RBM33: variants seen among roughly 807,000 people sequenced by gnomAD.
The protein encoded by RBM33 is RNA binding motif protein 33.
Under a neutral mutation model 132.6 loss-of-function variants are expected in RBM33, and 28 were observed. The observed-to-expected ratio is 0.21, with a 90% confidence interval of 0.16 to 0.29. The LOEUF (loss-of-function observed/expected upper bound fraction) is 0.29, where lower values mean the gene tolerates loss of function less well. Among genes scored for constraint, RBM33 ranks in the 10% least tolerant of loss-of-function variants. The pLI is 1.00. For missense variants in RBM33, 1,291 were observed against 1,518.5 expected (o/e 0.85, Z 2.49); for synonymous variants, 634 against 593.0 (o/e 1.07, Z -1.01).
intron 14 of RBM33, among the ~76,000 whole-genome samples, chr7:155,754,705 T>C (rs1315733893): frequency 6.6e-6 from 1 of 152,230 alleles, no homozygotes; most frequent in Non-Finnish European, 1.5e-5. Flanking sequence ...AAAGGTAGAC[T>C]GTTAAGAGAG....
intron 1 of RBM33, among the ~76,000 whole-genome samples, chr7:155,657,543 C>T (rs1002867088): frequency 1.3e-5 from 2 of 152,118 alleles, no homozygotes; most frequent in African/African-American, 2.4e-5. Context: ...TTTGTCCAGG[C>T]TGGAGTGCAG....
intron 5 of RBM33, among the ~76,000 whole-genome samples, chr7:155,681,952 G>A (rs1799348769): frequency 6.8e-6 from 1 of 147,524 alleles, no homozygotes; most frequent in Admixed American, 6.8e-5. Flanking sequence ...ACGGACTCTT[G>A]GTTTGTCGCC....
chr7:155,647,112 A>G (rs560420726), intron 1 of RBM33, among the ~76,000 whole-genome samples: 190 of 152,314 alleles, frequency 1.2e-3, no homozygotes, highest in African/African-American at 4.5e-3. Context: ...TGACTTTCAA[A>G]CTTCTTAAAA....
chr7:155,711,568 T>G lies in RBM33; in HGVS notation c.1201+113T>G, dbSNP rs978537911. 9 of 603,424 alleles carry G rather than the reference T, an allele frequency of 1.5e-5. No homozygotes were observed. In the African/African-American group the frequency reaches 1.8e-4, roughly 12 times the overall value. 37.4% of individuals were successfully genotyped at this position (603,424 alleles called of 1,614,324 possible). On this transcript the variant is annotated intron_variant, in intron 8 of 17. Transcript: ENST00000401878. ...ACTTCATGAGTGTGTGAAAGCAGTA[T>G]GCGTTCAGAAGAAATCATCGTTCGA...
rs537688347 is a variant in RBM33 at position 155,735,813 on chromosome 7, A to G, written c.1261-1717A>G. 1.9e-4 allele frequency among the ~76,000 whole-genome samples: 29 copies of G among 151,714 alleles called. No homozygotes were observed. In the South Asian group the frequency reaches 5.6e-3, roughly 29 times the overall value. On this transcript the variant is annotated intron_variant, in intron 9 of 17. Transcript: ENST00000401878. ...TTTTCAAATTAATTAGGGGTAAAAG[A>G]CCATGTATATGATATGTATTCTCAC...
chr7:155,771,081 G>A (rs1337290184), intron 16 of RBM33, among the ~76,000 whole-genome samples: 1 of 152,186 alleles, frequency 6.6e-6, no homozygotes, highest in African/African-American at 2.4e-5. Context: ...CTGCCAGTAC[G>A]TTATGTGGGG....
At chr7:155,737,003 G>A (rs74527898) in intron 9 of RBM33, among the ~76,000 whole-genome samples, 5,267 of 152,278 alleles carry the variant, frequency 0.035, 308 homozygotes, top group African/African-American at 0.12. Flanking sequence ...CATGTCTTGT[G>A]TAAGGATATT....
Position 155,739,735 on chromosome 7 carries a change from G to T in RBM33, c.1758G>T (p.Leu586Phe). ...PNLQGPLHPP[L>F]PPPHQPQPQQ... ...GGAAGGGGCCGTTGCATCCTCCATT[G>T]CCCCCTCCGCATCAGCCTCAGCCTC... The change falls in exon 12 of 18, where the codon TTG (leucine) becomes TTT (phenylalanine). Residue 586 changes from leucine to phenylalanine, a missense_variant. Physicochemically the swap from Leu to Phe is conservative, Grantham distance 22. Transcript: ENST00000401878. 1 of 1,545,390 alleles carries T rather than the reference G, an allele frequency of 6.5e-7. No individual in the cohort carries two copies. The highest frequency in any genetic ancestry group is 1.8e-4 in the Middle Eastern group (1 of 5,666).
chr7:155,663,756 C>G (rs987341433), intron 1 of RBM33, among the ~76,000 whole-genome samples: 2 of 152,108 alleles, frequency 1.3e-5, no homozygotes, highest in Non-Finnish European at 2.9e-5. Context: ...GTGTTTATAT[C>G]ATCTGGCCCT....
intron 13 of RBM33, 54 bp from the exon 14 acceptor site, chr7:155,744,907 C>CT: frequency 6.8e-7 from 1 of 1,471,294 alleles, no homozygotes; most frequent in East Asian, 2.3e-5. Context: ...TTGAAATAGA[C>CT]TATGGGCACC....
rs568714321 is a variant in RBM33, at chr7:155,707,406, G to A, written c.948+338G>A. ...GTATTTCTGAGTGCATTACATTTGAGAGATGTTATTACAGATAGAATTTAG... is the reference window on the plus strand; with the variant it reads ...GTATTTCTGAGTGCATTACATTTGAAAGATGTTATTACAGATAGAATTTAG... On this transcript the variant is annotated intron_variant, in intron 7 of 17. Coordinates refer to ENST00000401878, the MANE Select transcript of RBM33 (RefSeq NM_053043.3). 2.4e-5 allele frequency: 11 copies of A among 463,486 alleles called. No homozygotes were observed. In the East Asian group the frequency reaches 6.4e-4, roughly 27 times the overall value. The allele number at this position is 463,486 out of a possible 1,614,324, so 28.7% of individuals were successfully genotyped here.
At chr7:155,698,713 C>G (rs1799871116) in intron 5 of RBM33, among the ~76,000 whole-genome samples, 1 of 152,214 alleles carries the variant, frequency 6.6e-6, no homozygotes. Flanking sequence ...TTCCTAACCA[C>G]TGGTTACCAG....
intron 5 of RBM33, among the ~76,000 whole-genome samples, chr7:155,695,664 T>G (rs532582574): frequency 9.3e-4 from 141 of 152,328 alleles, no homozygotes; most frequent in Middle Eastern, 3.4e-3. Context: ...TTTCACCACG[T>G]TGGCCAAGCT....
At chr7:155,674,134 C>CTT (rs2116912436) in intron 3 of RBM33, among the ~76,000 whole-genome samples, 1 of 151,752 alleles carries the variant, frequency 6.6e-6, no homozygotes, top group South Asian at 2.1e-4. Context: ...ACTTCTAACA[C>CTT]TTAAGAGTTA....
At position 155,756,497 on chromosome 7, in the gene RBM33, A is replaced by G. The variant is rs150377187; in HGVS notation, c.2980-7315A>G. On this transcript the variant is annotated intron_variant, in intron 14 of 17. Transcript: ENST00000401878. The stretch of plus-strand genomic sequence containing the variant: ...GTCAAAATCAGGAAGTTGTTTTGGT[A>G]TATGCAGTAAAAGGGAATTGAAAGC... Among the ~76,000 whole-genome samples the G allele has an allele frequency of 1.1e-4, 16 of 152,338 alleles. No homozygotes were observed. In the East Asian group the frequency reaches 2.7e-3, roughly 26 times the overall value.
chr7:155,754,490 A>G (rs1801784311), intron 14 of RBM33, among the ~76,000 whole-genome samples: 3 of 152,178 alleles, frequency 2.0e-5, no homozygotes, highest in Admixed American at 1.3e-4. Flanking sequence ...GCTAGACTTC[A>G]CACCCTGCCT....
chr7:155,774,567 G>A lies in RBM33; in HGVS notation c.3384G>A (p.Gln1128=). The change falls in exon 17 of 18, where the codon CAG becomes CAA. Residue 1128 remains glutamine (Q), a synonymous_variant. Coordinates refer to ENST00000401878, the MANE Select transcript of RBM33 (RefSeq NM_053043.3). The surrounding 1 kb of genome is among the most constrained non-coding windows in gnomAD (Gnocchi z 4.2). ...LMSVGPIQSL[Q]MLPQQRKAIA... Reference sequence around the variant, plus strand: ...TTGTTTTCTTCCTCTAGAGTTTACAGATGCTTCCTCAGCAACGGAAAGCCA... The same window carrying A: ...TTGTTTTCTTCCTCTAGAGTTTACAAATGCTTCCTCAGCAACGGAAAGCCA... 6.2e-7 allele frequency: 1 copy of A among 1,613,230 alleles called. No homozygotes were observed. Among genetic ancestry groups the A allele is most frequent in the Non-Finnish European group, 8.5e-7 (1 of 1,179,200 alleles).
chr7:155,764,771 G>A lies in RBM33; in HGVS notation c.3186+753G>A, dbSNP rs573321389. 3.3e-5 allele frequency among the ~76,000 whole-genome samples: 5 copies of A among 152,376 alleles called. No individual in the cohort carries two copies. In the South Asian group the frequency reaches 6.2e-4, roughly 19 times the overall value. On this transcript the variant is annotated intron_variant, in intron 15 of 17. Transcript: ENST00000401878. ...AGACCTGGGCGCAGCCCTGCTTTGC[G>A]CTCTGGAGAACGGCAAGTCTGCCCG...
At chr7:155,739,668 G>A (rs1286372348) in intron 11 of RBM33, 47 bp from the exon 12 acceptor site, 1 of 1,495,316 alleles carries the variant, frequency 6.7e-7, no homozygotes, top group Non-Finnish European at 9.0e-7. Context: ...ATTATGCCCG[G>A]TGTAACCATT....
Sources: allele counts gnomAD v4.1 joint callset (sites outside exome capture counted in the v4.1 genomes callset), GRCh38; gene constraint gnomAD v4.1.1; non-coding constraint Gnocchi (gnomAD v3.1); transcripts MANE v1.5; gene names NCBI Gene and HGNC (gene_info 2026-07-23, HGNC 2026-07-21).